TNFRSF10D: variants seen among roughly 807,000 people sequenced by gnomAD.
TNFRSF10D encodes the protein TNF receptor superfamily member 10d.
TNFRSF10D carries 28 observed loss-of-function variants against 42.1 expected under a neutral mutation model. The ratio of observed to expected loss-of-function variants is 0.66; its 90% CI spans 0.49 to 0.91. The LOEUF (loss-of-function observed/expected upper bound fraction) is 0.91, where lower values mean the gene tolerates loss of function less well. Among genes scored for constraint, TNFRSF10D ranks in the 40% least tolerant of loss-of-function variants. TNFRSF10D has a pLI of 0.00. For missense variants in TNFRSF10D, 503 were observed against 486.1 expected, an observed-to-expected ratio of 1.03 and a Z score of -0.33; for synonymous variants, 186 against 189.4, an observed-to-expected ratio of 0.98 and a Z score of 0.15.
intron 1 of TNFRSF10D, among the ~76,000 whole-genome samples, chr8:23,163,416 T>TGAACGAACGAACGAAC (rs35466375): frequency 6.6e-6 from 1 of 150,576 alleles, no homozygotes; most frequent in Non-Finnish European, 1.5e-5. Flanking sequence ...GTTAACGTTA[T>TGAACGAACGAACGAAC]GAACGAACGA....
At chr8:23,145,552 G>C in intron 5 of TNFRSF10D, 116 bp downstream of exon 5, 1 of 1,502,256 alleles carries the variant, frequency 6.7e-7, no homozygotes, top group South Asian at 1.2e-5. Flanking sequence ...GGAAGACCAA[G>C]CCAGGCTGGA....
intron 6 of TNFRSF10D, 38 bp downstream of exon 6, chr8:23,145,020 A>G (rs746741869): frequency 3.6e-5 from 58 of 1,613,826 alleles, no homozygotes; most frequent in Non-Finnish European, 4.9e-5. Context: ...CAGTTCCTGA[A>G]CCCACGAAGC....
At chr8:23,149,544 T>C (rs755827307) in intron 2 of TNFRSF10D, among the ~76,000 whole-genome samples, 80 of 150,778 alleles carry the variant, frequency 5.3e-4, no homozygotes, top group Non-Finnish European at 9.1e-4. Context: ...ACGCCCAGTC[T>C]ACTTTTTTTT....
At position 23,144,511 on chromosome 8, in the gene TNFRSF10D, T is replaced by C. The variant is rs1800081586; in HGVS notation, c.893A>G (p.Gln298Arg). The change falls in exon 7 of 9, where the codon CAG becomes CGG. Residue 298 changes from glutamine to arginine, a missense_variant. Transcript: ENST00000312584. ...CACACCTGTTAGCTCTGCCAGCTCCTGACCTTGGATTTCCTGCTCAGAGAC... is the reference window on the plus strand; with the variant it reads ...CACACCTGTTAGCTCTGCCAGCTCCCGACCTTGGATTTCCTGCTCAGAGAC... ...TQVSEQEIQG[Q>R]ELAELTGVTV... 1 of 1,614,118 alleles carries C rather than the reference T, an allele frequency of 6.2e-7. No homozygotes were observed. Among genetic ancestry groups the C allele is most frequent in the Non-Finnish European group, 8.5e-7 (1 of 1,180,048 alleles).
At chr8:23,154,844 A>C (rs1800252648) in intron 2 of TNFRSF10D, 30 bp downstream of exon 2, 3 of 1,581,130 alleles carry the variant, frequency 1.9e-6, no homozygotes, top group East Asian at 4.7e-5. Context: ...TCAACTAAAA[A>C]TAAACTGATT....
chr8:23,148,310 C>T lies in TNFRSF10D; in HGVS notation c.370+128G>A, dbSNP rs1266855279. The T allele has an allele frequency of 2.0e-5, 9 of 453,842 alleles. No homozygotes were observed. In the East Asian group the frequency reaches 3.3e-4, roughly 17 times the overall value. The allele number at this position is 453,842 out of a possible 1,614,324, so 28.1% of individuals were successfully genotyped here. ...TTTTTTTTAATCAACTAGTCATAAT[C>T]ATGGAACAGGGCATGATGAAGACTA... On this transcript the variant is annotated intron_variant, in intron 3 of 8. Transcript: ENST00000312584.
At chr8:23,153,686 G>C (rs762634888) in intron 2 of TNFRSF10D, among the ~76,000 whole-genome samples, 4 of 152,280 alleles carry the variant, frequency 2.6e-5, no homozygotes, top group Admixed American at 1.3e-4. Context: ...CTTCACACCT[G>C]TAAAAATGGC....
chr8:23,151,235 A>G (rs1362085020), intron 2 of TNFRSF10D, among the ~76,000 whole-genome samples: 1 of 152,176 alleles, frequency 6.6e-6, no homozygotes, highest in African/African-American at 2.4e-5. Context: ...AGGCCAGGAG[A>G]GAGTGGAATC....
intron 2 of TNFRSF10D, among the ~76,000 whole-genome samples, chr8:23,153,958 A>G (rs1235463594): frequency 6.6e-6 from 1 of 152,256 alleles, no homozygotes; most frequent in Non-Finnish European, 1.5e-5. Context: ...TGGTCAAGAC[A>G]TTAATCAACC....
chr8:23,139,171 A>G (rs763610489), intron 7 of TNFRSF10D, among the ~76,000 whole-genome samples: 1 of 151,680 alleles, frequency 6.6e-6, no homozygotes, highest in Non-Finnish European at 1.5e-5. Context: ...CAGAATTACA[A>G]GGTTATCCAA....
At chr8:23,147,580 C>T (rs1458632461) in intron 3 of TNFRSF10D, among the ~76,000 whole-genome samples, 1 of 152,208 alleles carries the variant, frequency 6.6e-6, no homozygotes, top group Non-Finnish European at 1.5e-5. Flanking sequence ...GATGCCCCCA[C>T]CCGGCTGCAG....
intron 7 of TNFRSF10D, among the ~76,000 whole-genome samples, chr8:23,142,697 A>G (rs1465195985): frequency 1.3e-5 from 2 of 152,228 alleles, no homozygotes; most frequent in Non-Finnish European, 2.9e-5. Flanking sequence ...TTCAGCATCA[A>G]ACAAACTTAC....
chr8:23,138,290 C>CA, intron 7 of TNFRSF10D, 30 bp from the exon 8 acceptor site: 1 of 1,613,862 alleles, frequency 6.2e-7, no homozygotes, highest in South Asian at 1.1e-5. Flanking sequence ...ATGCTCTGGT[C>CA]AGAGTCAGGA....
chr8:23,159,870 A>C (rs972530306), intron 1 of TNFRSF10D, among the ~76,000 whole-genome samples: 1 of 152,008 alleles, frequency 6.6e-6, no homozygotes, highest in Non-Finnish European at 1.5e-5. Context: ...CTCAAGAAAA[A>C]AGAAGTCGTA....
rs556047765 is a variant in TNFRSF10D at position 23,148,609 on chromosome 8, A to G, written c.257-58T>C. 4 of 1,320,926 alleles carry G rather than the reference A, an allele frequency of 3.0e-6. No homozygotes were observed. The South Asian group carries it at 4.8e-5, about 16-fold the overall frequency. 81.8% of individuals were successfully genotyped at this position (1,320,926 alleles called of 1,614,324 possible). A position where few individuals can be genotyped will look rare whatever the true frequency, so the allele number is the denominator to read the frequency against. ...CACCACAGAATTCCCAGAGGCTGAC[A>G]ATGGCTGGCAAATTTCTCTTTTGGC... is the stretch of plus-strand genomic sequence containing the variant. On this transcript the variant is annotated intron_variant, in intron 2 of 8. Coordinates refer to ENST00000312584, the MANE Select transcript of TNFRSF10D (RefSeq NM_003840.5).
intron 2 of TNFRSF10D, among the ~76,000 whole-genome samples, chr8:23,150,205 C>A (rs1330676798): frequency 1.3e-5 from 2 of 152,294 alleles, no homozygotes; most frequent in East Asian, 3.9e-4. Context: ...AGGCTCCAGG[C>A]CCTTCCCTGT....
At chr8:23,148,014 G>A (rs180851239) in intron 3 of TNFRSF10D, among the ~76,000 whole-genome samples, 296 of 142,600 alleles carry the variant, frequency 2.1e-3, no homozygotes, top group African/African-American at 7.4e-3. Flanking sequence ...GCAGTGAGCC[G>A]AGATCGCGCC....
chr8:23,151,344 C>T (rs1171491841), intron 2 of TNFRSF10D, among the ~76,000 whole-genome samples: 1 of 145,530 alleles, frequency 6.9e-6, no homozygotes, highest in East Asian at 2.1e-4. Flanking sequence ...CTTTATCAGA[C>T]AAAGAAAAAA....
chr8:23,162,399 T>C (rs571471000), intron 1 of TNFRSF10D, among the ~76,000 whole-genome samples: 1 of 152,328 alleles, frequency 6.6e-6, no homozygotes, highest in South Asian at 2.1e-4. Context: ...AAGTCAGTTG[T>C]GTAATTTTTG....
Sources: allele counts gnomAD v4.1 joint callset (sites outside exome capture counted in the v4.1 genomes callset), GRCh38; gene constraint gnomAD v4.1.1; transcripts MANE v1.5; gene names NCBI Gene and HGNC (gene_info 2026-07-23, HGNC 2026-07-21).